The following PARD3B variants were observed in gnomAD, a reference collection of about 807,000 sequenced individuals.
The protein encoded by PARD3B is partitioning defective 3 homolog B.
PARD3B carries 103 observed loss-of-function variants against 130.2 expected under a neutral mutation model. The ratio of observed to expected loss-of-function variants is 0.79; its 90% CI spans 0.67 to 0.93. The LOEUF (loss-of-function observed/expected upper bound fraction) is 0.93, where lower values mean the gene tolerates loss of function less well. Ranked by LOEUF, PARD3B falls within the 40% of genes least tolerant of loss-of-function variation. PARD3B has a pLI of 0.00. For synonymous variants in PARD3B, 583 were observed against 553.2 expected, an observed-to-expected ratio of 1.05 and a Z score of -0.76; for missense variants, 1,609 against 1,499.2, an observed-to-expected ratio of 1.07 and a Z score of -1.21.
chr2:205,401,669 C>T (rs1263558403), intron 19 of PARD3B, among the ~76,000 whole-genome samples: 3 of 152,156 alleles, frequency 2.0e-5, no homozygotes, highest in African/African-American at 7.2e-5. Flanking sequence ...TTTGCAAGAG[C>T]TGAATTCTCC....
At chr2:205,217,055 A>G (rs559261674) in intron 15 of PARD3B, among the ~76,000 whole-genome samples, 1 of 152,194 alleles carries the variant, frequency 6.6e-6, no homozygotes, top group Non-Finnish European at 1.5e-5. Flanking sequence ...GCAAAAGGGT[A>G]CGCCAACATT....
At position 205,592,984 on chromosome 2, in the gene PARD3B, T is replaced by G. The variant is rs1444713115; in HGVS notation, c.3261-22472T>G. ...AGCTAGGTGCAACCTGGATAGACAT[T>G]GTGGCCCATACCTTTTTTATATACT... On this transcript the variant is annotated intron_variant, in intron 22 of 22. Transcript: ENST00000406610. The surrounding 1 kb of genome is among the most constrained non-coding windows in gnomAD (Gnocchi z 4.5). Among the ~76,000 whole-genome samples the G allele has an allele frequency of 1.3e-5, 2 of 152,256 alleles. No individual in the cohort carries two copies. Among genetic ancestry groups the G allele is most frequent in the Non-Finnish European group, 2.9e-5 (2 of 68,042 alleles).
At position 205,291,319 on chromosome 2, in the gene PARD3B, G is replaced by A. The variant is rs959232860; in HGVS notation, c.2186-9211G>A. ...AGAGGAGAGCTGTAAAGAAAGCTTC[G>A]ATCTCTGAGTCTTCTTAGATGATAC... On this transcript the variant is annotated intron_variant, in intron 16 of 22. Transcript: ENST00000406610. The surrounding 1 kb of genome is among the most constrained non-coding windows in gnomAD (Gnocchi z 4.6). Among the ~76,000 whole-genome samples, 8 of 152,112 alleles carry A rather than the reference G, an allele frequency of 5.3e-5. No homozygotes were observed. The highest frequency in any genetic ancestry group is 1.4e-4 in the African/African-American group (6 of 41,428).
intron 11 of PARD3B, among the ~76,000 whole-genome samples, chr2:205,168,320 A>AGAGAGAGAGAGAGAAAGAGT (rs371904121): frequency 8.4e-6 from 1 of 119,694 alleles, no homozygotes; most frequent in Non-Finnish European, 1.7e-5. Context: ...AGAGAGAGAG[A>AGAGAGAGAGAGAGAAAGAGT]GTGTGTGTGT....
chr2:205,143,120 T>C (rs1461836369), intron 10 of PARD3B, among the ~76,000 whole-genome samples: 1 of 152,322 alleles, frequency 6.6e-6, no homozygotes, highest in Non-Finnish European at 1.5e-5. Context: ...TACCCCTTCA[T>C]TGTGAAATTT....
At chr2:204,710,545 C>G (rs1274166181) in intron 2 of PARD3B, among the ~76,000 whole-genome samples, 1 of 152,180 alleles carries the variant, frequency 6.6e-6, no homozygotes, top group Non-Finnish European at 1.5e-5. Flanking sequence ...GGCTCAAAGT[C>G]TTGGGCACTC....
chr2:205,557,484 T>G (rs2052941895), intron 22 of PARD3B, among the ~76,000 whole-genome samples: 1 of 152,266 alleles, frequency 6.6e-6, no homozygotes, highest in African/African-American at 2.4e-5. Flanking sequence ...GCATCTTAGC[T>G]CACACACGCT....
At position 205,473,678 on chromosome 2, in the gene PARD3B, G is replaced by A. The variant is rs62173182; in HGVS notation, c.3045-26218G>A. Among the ~76,000 whole-genome samples the A allele has an allele frequency of 2.3e-3, 204 of 90,148 alleles. 1 individual carries two copies. Among genetic ancestry groups the A allele is most frequent in the African/African-American group, 0.011 (163 of 15,416 alleles). The allele number at this position is 90,148 out of a possible 152,430, so 59.1% of individuals were successfully genotyped here. On this transcript the variant is annotated intron_variant, in intron 20 of 22. Coordinates refer to ENST00000406610, the MANE Select transcript of PARD3B (RefSeq NM_001302769.2). This position sits in a 1 kb window ranked among gnomAD's most constrained non-coding sequence, Gnocchi z 4.9. ...TATGTGTGTGTGTGTGTGTGTGTGT[G>A]TGTATGTATATATATATATATATAT...
At chr2:204,565,899 A>G (rs1460245710) in intron 1 of PARD3B, among the ~76,000 whole-genome samples, 1 of 152,200 alleles carries the variant, frequency 6.6e-6, no homozygotes. Context: ...CTTTATGTGT[A>G]CTTCCCATTT....
chr2:205,195,111 T>C (rs1406040138), intron 15 of PARD3B, among the ~76,000 whole-genome samples: 1 of 152,132 alleles, frequency 6.6e-6, no homozygotes, highest in Non-Finnish European at 1.5e-5. Flanking sequence ...TTTGTTTACA[T>C]TTTTATTACC....
chr2:204,897,842 C>CAG (rs2046696213), intron 2 of PARD3B, among the ~76,000 whole-genome samples: 1 of 150,184 alleles, frequency 6.7e-6, no homozygotes, highest in Non-Finnish European at 1.5e-5. Flanking sequence ...CAACTGTGAG[C>CAG]AGAGAACAAA....
intron 1 of PARD3B, among the ~76,000 whole-genome samples, chr2:204,659,991 C>T (rs967664101): frequency 6.6e-5 from 10 of 152,132 alleles, no homozygotes; most frequent in African/African-American, 2.4e-4. Context: ...TATTTTCAGT[C>T]TACATGGGGA....
At chr2:205,003,215 G>C (rs912138901) in intron 3 of PARD3B, among the ~76,000 whole-genome samples, 1 of 152,168 alleles carries the variant, frequency 6.6e-6, no homozygotes, top group Admixed American at 6.5e-5. Context: ...AGGGGACCTT[G>C]TGATTACATT....
chr2:204,712,628 A>G, intron 2 of PARD3B, among the ~76,000 whole-genome samples: 1 of 138,994 alleles, frequency 7.2e-6, no homozygotes, highest in East Asian at 2.0e-4. Context: ...AAAAAAAAAC[A>G]AAAAAAAAAG....
At chr2:205,326,210 C>T (rs986560624) in intron 18 of PARD3B, among the ~76,000 whole-genome samples, 8 of 152,128 alleles carry the variant, frequency 5.3e-5, no homozygotes, top group Admixed American at 2.0e-4. Context: ...AATGTGAGAG[C>T]GCTTTGTAAT....
intron 3 of PARD3B, among the ~76,000 whole-genome samples, chr2:205,006,136 A>G (rs2125295642): frequency 6.6e-6 from 1 of 152,312 alleles, no homozygotes; most frequent in Non-Finnish European, 1.5e-5. Context: ...TGCAAATGAC[A>G]TTATTTCATT....
rs1252042559 is a variant in PARD3B, at chr2:205,300,907, C to A, written c.2392+171C>A. Among the ~76,000 whole-genome samples the A allele has an allele frequency of 6.6e-6, 1 of 152,184 alleles. No homozygotes were observed. The highest frequency in any genetic ancestry group is 1.5e-5 in the Non-Finnish European group (1 of 68,042). ...ATGTTTTGCCCTTTGGCTTAATGAA[C>A]ATGGAATTGGAGAACACAATATGCA... On this transcript the variant is annotated intron_variant, in intron 17 of 22. Coordinates refer to ENST00000406610, the MANE Select transcript of PARD3B (RefSeq NM_001302769.2). The surrounding 1 kb of genome is among the most constrained non-coding windows in gnomAD (Gnocchi z 4.1).
chr2:205,060,922 A>T (rs1293844015), intron 4 of PARD3B, among the ~76,000 whole-genome samples: 3 of 152,100 alleles, frequency 2.0e-5, no homozygotes, highest in Admixed American at 6.6e-5. Flanking sequence ...CTACTCTGGA[A>T]ACTAGAAAGG....
At chr2:205,310,370 T>C (rs58345531) in intron 18 of PARD3B, among the ~76,000 whole-genome samples, 8,230 of 151,954 alleles carry the variant, frequency 0.054, 695 homozygotes, top group African/African-American at 0.18. Flanking sequence ...TCTACTCTTT[T>C]AGCAAGTTTC....
Sources: allele counts gnomAD v4.1 joint callset (sites outside exome capture counted in the v4.1 genomes callset), GRCh38; gene constraint gnomAD v4.1.1; non-coding constraint Gnocchi (gnomAD v3.1); transcripts MANE v1.5; gene names NCBI Gene and HGNC (gene_info 2026-07-23, HGNC 2026-07-21).